ATRNL1: variants seen among roughly 807,000 people sequenced by gnomAD.
The protein encoded by ATRNL1 is attractin like 1, also known as attractin-like protein 1.
A neutral mutation model predicts 182.7 loss-of-function variants in ATRNL1; 95 were observed. The observed-to-expected ratio is 0.52, with a 90% CI of 0.44 to 0.62. The LOEUF (loss-of-function observed/expected upper bound fraction) is 0.62, where lower values mean the gene tolerates loss of function less well. Among genes scored for constraint, ATRNL1 ranks in the 20% least tolerant of loss-of-function variants. The probability of loss-of-function intolerance (pLI) is 0.00; values close to 1 mark genes in which losing one functional copy is unlikely to be tolerated. For synonymous variants in ATRNL1, 576 were observed against 568.3 expected (o/e 1.01, Z -0.19); for missense variants, 1,471 against 1,679.5 (o/e 0.88, Z 2.17).
intron 10 of ATRNL1, among the ~76,000 whole-genome samples, 154 bp downstream of exon 10, chr10:115,241,879 A>G (rs1850437395): frequency 1.3e-5 from 2 of 152,226 alleles, no homozygotes; most frequent in South Asian, 4.1e-4. Context: ...GCACAGTAGT[A>G]TTATAGTAAT....
intron 19 of ATRNL1, among the ~76,000 whole-genome samples, chr10:115,342,560 AGTT>A (rs1424078773): frequency 2.6e-5 from 4 of 152,100 alleles, no homozygotes; most frequent in Admixed American, 6.6e-5. Flanking sequence ...CATCTTGAAA[AGTT>A]GTTATTATTT....
At chr10:115,126,883 A>G (rs1844998926) in intron 3 of ATRNL1, among the ~76,000 whole-genome samples, 1 of 152,228 alleles carries the variant, frequency 6.6e-6, no homozygotes. Flanking sequence ...ATGAACAAGT[A>G]TCCTTAAAAA....
intron 1 of ATRNL1, among the ~76,000 whole-genome samples, chr10:115,109,875 C>T (rs568797177): frequency 7.9e-5 from 12 of 152,292 alleles, no homozygotes; most frequent in Admixed American, 7.2e-4. Flanking sequence ...GTACAGTTCA[C>T]TTATGTTTAG....
chr10:115,535,733 G>A (rs1554990020), intron 25 of ATRNL1, among the ~76,000 whole-genome samples: 4 of 152,066 alleles, frequency 2.6e-5, no homozygotes, highest in Non-Finnish European at 5.9e-5. Context: ...CCCCATCTTT[G>A]TGGTTTTATC....
intron 27 of ATRNL1, among the ~76,000 whole-genome samples, chr10:115,831,142 C>CT (rs1435612779): frequency 6.6e-6 from 1 of 152,100 alleles, no homozygotes; most frequent in African/African-American, 2.4e-5. Context: ...CACGGATGGG[C>CT]TGGTTGGTTC....
At chr10:115,883,862 A>T (rs1951883587) in intron 28 of ATRNL1, among the ~76,000 whole-genome samples, 1 of 152,210 alleles carries the variant, frequency 6.6e-6, no homozygotes, top group African/African-American at 2.4e-5. Flanking sequence ...TCAGATGCAG[A>T]GGCAGTCTTT....
At chr10:115,344,362 TCTTCC>T (rs574427564) in intron 19 of ATRNL1, among the ~76,000 whole-genome samples, 3 of 152,252 alleles carry the variant, frequency 2.0e-5, no homozygotes, top group African/African-American at 7.2e-5. Flanking sequence ...TCCTTCCCAC[TCTTCC>T]CTCCCTTTTC....
At position 115,469,216 on chromosome 10, in the gene ATRNL1, A is replaced by C; in HGVS notation, c.3541A>C (p.Asn1181His). ...AGAGACTTCTATAGTTTCCAAGAATAATATAAAGGAATACAGAGATAGTTT... is the reference window on the plus strand; with the variant it reads ...AGAGACTTCTATAGTTTCCAAGAATCATATAAAGGAATACAGAGATAGTTT... ...GEETSIVSKN[N>H]IKEYRDSFSY... The change falls in exon 24 of 29, where the codon AAT (asparagine) becomes CAT (histidine). Residue 1181 changes from asparagine to histidine, a missense_variant. By Grantham distance (68) the Asn-to-His change is moderately conservative (BLOSUM62 1). This residue lies in a region of ATRNL1 where 437 missense variants were observed against 506.0 expected (regional missense o/e 0.86). Transcript: ENST00000355044. The C allele has an allele frequency of 7.1e-7, 1 of 1,399,016 alleles. No individual in the cohort carries two copies. The highest frequency in any genetic ancestry group is 9.6e-7 in the Non-Finnish European group (1 of 1,046,312). 86.7% of individuals were successfully genotyped at this position (1,399,016 alleles called of 1,614,324 possible).
In ATRNL1 at chr10:115,851,358, ATT is replaced by A. The variant is rs57234888; in HGVS notation, c.4018+3378_4018+3379del. 5.5e-4 allele frequency among the ~76,000 whole-genome samples: 83 copies of A among 150,664 alleles called. 1 individual carries two copies. Among genetic ancestry groups the A allele is most frequent in the African/African-American group, 1.2e-3 (49 of 41,160 alleles). On this transcript the variant is annotated intron_variant, in intron 28 of 28. Transcript: ENST00000355044. ...CATCTCTTTTCAGGAGCAGCTAGTGATTTTTTTTTTTTAATTTAAAAAATAGC... is the reference window on the plus strand; with the variant it reads ...CATCTCTTTTCAGGAGCAGCTAGTGATTTTTTTTTTAATTTAAAAAATAGC...
At chr10:115,673,291 T>A (rs1945756448) in intron 26 of ATRNL1, among the ~76,000 whole-genome samples, 2 of 152,160 alleles carry the variant, frequency 1.3e-5, no homozygotes, top group Admixed American at 1.3e-4. Context: ...TTTATTCTTT[T>A]TCATGGCTGT....
At chr10:115,468,608 G>A (rs148048578) in intron 23 of ATRNL1, among the ~76,000 whole-genome samples, 205 of 150,912 alleles carry the variant, frequency 1.4e-3, no homozygotes, top group African/African-American at 4.6e-3. Flanking sequence ...TGAGCATTTA[G>A]CTCATGTTTT....
chr10:115,575,482 T>C (rs12772971), intron 26 of ATRNL1, among the ~76,000 whole-genome samples: 24,867 of 152,104 alleles, frequency 0.16, 2,548 homozygotes, highest in South Asian at 0.24. Flanking sequence ...TGGAGTGTTT[T>C]TCAACATGTT....
At chr10:115,421,536 A>T (rs1270247307) in intron 20 of ATRNL1, among the ~76,000 whole-genome samples, 1 of 152,172 alleles carries the variant, frequency 6.6e-6, no homozygotes, top group Non-Finnish European at 1.5e-5. Flanking sequence ...GTGTAGAGGG[A>T]ACACACCTCA....
intron 4 of ATRNL1, among the ~76,000 whole-genome samples, chr10:115,128,826 CAAAA>C (rs369416130): frequency 2.7e-5 from 3 of 110,544 alleles, no homozygotes; most frequent in African/African-American, 6.5e-5. Flanking sequence ...GACTGTGTCT[CAAAA>C]AAAAAAAAAA....
At position 115,127,689 on chromosome 10, in the gene ATRNL1, G is replaced by A. The variant is rs139960943; in HGVS notation, c.588G>A (p.Ala196=). ...TGTTACATTTTTTTAGTGATGCTGC[G>A]TATAATCTAACTGGTTTCAACATTT... ...YALLHFFSDA[A]YNLTGFNIFY... The change falls in exon 4 of 29, where the codon GCG becomes GCA. Residue 196 remains alanine, a synonymous_variant. Coordinates refer to ENST00000355044, the MANE Select transcript of ATRNL1 (RefSeq NM_207303.4). 118 of 1,542,732 alleles carry A rather than the reference G, an allele frequency of 7.6e-5. No homozygotes were observed. Among genetic ancestry groups the A allele is most frequent in the Middle Eastern group, 3.5e-4 (2 of 5,778 alleles).
chr10:115,889,374 G>C (rs1952026437), intron 28 of ATRNL1, among the ~76,000 whole-genome samples: 2 of 134,260 alleles, frequency 1.5e-5, no homozygotes, highest in Non-Finnish European at 1.5e-5. Context: ...GTCTTGCTCT[G>C]TCACCCAGGC....
chr10:115,365,854 G>A (rs1318415439), intron 19 of ATRNL1, among the ~76,000 whole-genome samples: 1 of 152,182 alleles, frequency 6.6e-6, no homozygotes, highest in Non-Finnish European at 1.5e-5. Context: ...TTAATCCTGA[G>A]TTCTAGTTTG....
intron 25 of ATRNL1, among the ~76,000 whole-genome samples, chr10:115,537,227 C>G (rs951541906): frequency 1.7e-4 from 26 of 152,176 alleles, no homozygotes; most frequent in African/African-American, 6.3e-4. Context: ...TGCTCCCCAT[C>G]TAGTTTACAA....
chr10:115,213,656 C>T (rs1554895521), intron 8 of ATRNL1, among the ~76,000 whole-genome samples: 1 of 152,082 alleles, frequency 6.6e-6, no homozygotes, highest in Non-Finnish European at 1.5e-5. Flanking sequence ...TCTACACTAT[C>T]TTGTTCCACT....
Sources: gnomAD v4.1 joint callset for allele counts (sites outside exome capture counted in the v4.1 genomes callset) on GRCh38, gnomAD v4.1.1 for gene constraint, gnomAD v4.1.1 regional missense constraint, MANE v1.5 for transcripts, NCBI Gene and HGNC (gene_info 2026-07-23, HGNC 2026-07-21) for gene names.